The following SHOC1 variants were observed in gnomAD, a reference collection of about 807,000 sequenced individuals.
The protein encoded by SHOC1 is protein shortage in chiasmata 1 ortholog.
SHOC1 carries 136 observed loss-of-function variants against 179.2 expected under a neutral mutation model. The ratio of observed to expected loss-of-function variants is 0.76; its 90% CI spans 0.66 to 0.87. The LOEUF (loss-of-function observed/expected upper bound fraction) is 0.87, where lower values mean the gene tolerates loss of function less well. Ranked by LOEUF, SHOC1 falls within the 40% of genes least tolerant of loss-of-function variation. The probability of loss-of-function intolerance (pLI) is 0.00; values close to 1 mark genes in which losing one functional copy is unlikely to be tolerated. For missense variants in SHOC1, 1,538 were observed against 1,700.8 expected (o/e 0.90, Z 1.68); for synonymous variants, 489 against 586.6 (o/e 0.83, Z 2.41).
At chr9:111,719,622 C>A (rs573311691) in intron 15 of SHOC1, among the ~76,000 whole-genome samples, 5 of 152,204 alleles carry the variant, frequency 3.3e-5, no homozygotes, top group Admixed American at 6.5e-5. Context: ...TTGTTCTTTT[C>A]TATCCAGTAT....
intron 3 of SHOC1, 97 bp from the exon 4 acceptor site, chr9:111,781,114 T>G (rs41279073): frequency 0.023 from 18,659 of 825,198 alleles, 356 homozygotes; most frequent in Middle Eastern, 0.054. Flanking sequence ...GATTTTATCT[T>G]TATTTATTCA....
intron 6 of SHOC1, 83 bp downstream of exon 6, chr9:111,758,612 T>C (rs1834986854): frequency 4.7e-6 from 6 of 1,277,106 alleles, no homozygotes; most frequent in Non-Finnish European, 5.3e-6. Flanking sequence ...AAAAACATTG[T>C]TGATAACATC....
intron 5 of SHOC1, among the ~76,000 whole-genome samples, chr9:111,769,643 T>C (rs1196553538): frequency 1.3e-5 from 2 of 152,166 alleles, no homozygotes; most frequent in African/African-American, 2.4e-5. Flanking sequence ...AATTGGCTAA[T>C]ATTTTTTGTA....
At chr9:111,740,960 T>C (rs925606382) in intron 11 of SHOC1, among the ~76,000 whole-genome samples, 3 of 152,136 alleles carry the variant, frequency 2.0e-5, no homozygotes, top group Non-Finnish European at 4.4e-5. Flanking sequence ...CCATCTCGGC[T>C]CACTGCAACC....
chr9:111,776,317 T>G (rs1168938664), intron 4 of SHOC1, among the ~76,000 whole-genome samples: 1 of 152,174 alleles, frequency 6.6e-6, no homozygotes, highest in Non-Finnish European at 1.5e-5. Context: ...ATTCAACCAA[T>G]TCTCTATTGT....
At chr9:111,728,217 T>G (rs1376856125) in intron 12 of SHOC1, among the ~76,000 whole-genome samples, 168 bp from the exon 13 acceptor site, 1 of 152,186 alleles carries the variant, frequency 6.6e-6, no homozygotes, top group Non-Finnish European at 1.5e-5. Context: ...AAAATAAATT[T>G]TTAAAAAGGA....
In SHOC1 at chr9:111,692,238, T is replaced by C. The variant is rs751543959; in HGVS notation, c.3739A>G (p.Thr1247Ala). ...KEISSFLPPVTSYNQTSYWKD... is the reference protein window; with the variant it reads ...KEISSFLPPVASYNQTSYWKD... The stretch of plus-strand genomic sequence containing the variant: ...CAGTAGCTGGTCTGATTGTATGAAG[T>C]CACAGGTGGTAAAAAACTTGAGATT... The change falls in exon 27 of 28, where the codon ACT becomes GCT. Residue 1247 changes from threonine to alanine, a missense_variant. Physicochemically the swap from Thr to Ala is moderately conservative, Grantham distance 58. Coordinates refer to ENST00000682961, the MANE Select transcript of SHOC1 (RefSeq NM_001378211.1). 1 of 1,613,694 alleles carries C rather than the reference T, an allele frequency of 6.2e-7. No homozygotes were observed. The highest frequency in any genetic ancestry group is 1.1e-5 in the South Asian group (1 of 91,074).
At chr9:111,708,119 G>A (rs1832363568) in intron 18 of SHOC1, among the ~76,000 whole-genome samples, 195 bp from the exon 19 acceptor site, 1 of 151,796 alleles carries the variant, frequency 6.6e-6, no homozygotes, top group South Asian at 2.1e-4. Flanking sequence ...TCTCTTGCGT[G>A]TATATATAGA....
chr9:111,716,761 C>T (rs1272916183), intron 16 of SHOC1, among the ~76,000 whole-genome samples: 1 of 152,190 alleles, frequency 6.6e-6, no homozygotes, highest in Non-Finnish European at 1.5e-5. Context: ...AGATTATGCA[C>T]TTGGCCAAGT....
chr9:111,746,622 T>C (rs1459557224), intron 9 of SHOC1, among the ~76,000 whole-genome samples: 1 of 152,138 alleles, frequency 6.6e-6, no homozygotes, highest in Non-Finnish European at 1.5e-5. Context: ...TGAGCTGTGA[T>C]TGTGTCACTG....
In SHOC1 at chr9:111,692,042, T is replaced by G; in HGVS notation, c.3935A>C (p.Asp1312Ala). The change falls in exon 27 of 28, where the codon GAC (aspartate) becomes GCC (alanine). Residue 1312 changes from aspartate (D) to alanine (A), a missense_variant. Asp to Ala is a moderately radical substitution (Grantham distance 126). Transcript: ENST00000682961. ...MNCETIKSPT[D>A]TQKRVSVVPR... ...GACAACTGACACTCTCTTCTGAGTGTCAGTTGGTGATTTTATAGTTTCACA... is the reference window on the plus strand; with the variant it reads ...GACAACTGACACTCTCTTCTGAGTGGCAGTTGGTGATTTTATAGTTTCACA... 6.2e-7 allele frequency: 1 copy of G among 1,613,742 alleles called. No individual in the cohort carries two copies. The highest frequency in any genetic ancestry group is 8.5e-7 in the Non-Finnish European group (1 of 1,179,834).
intron 24 of SHOC1, among the ~76,000 whole-genome samples, chr9:111,699,577 G>T (rs1053684217): frequency 6.6e-6 from 1 of 152,124 alleles, no homozygotes; most frequent in Non-Finnish European, 1.5e-5. Flanking sequence ...CAAGGGAAGA[G>T]ACTGATTAGA....
Position 111,703,973 on chromosome 9 carries a change from C to G in SHOC1, c.2875G>C (p.Glu959Gln). The change falls in exon 22 of 28, where the codon GAG (glutamate) becomes CAG (glutamine). Residue 959 changes from glutamate (E) to glutamine (Q), a missense_variant. Physicochemically the swap from Glu to Gln is conservative, Grantham distance 29. Transcript: ENST00000682961. ...TTCAATGACTCACTGCAGCCTCTCT[C>G]TACTAGTGAGATGTTATAGCTGTAA... is the stretch of plus-strand genomic sequence containing the variant. ...LESNYNISLV[E>Q]RGCSESLKLF... 1 of 1,589,436 alleles carries G rather than the reference C, an allele frequency of 6.3e-7. No individual in the cohort carries two copies. The highest frequency in any genetic ancestry group is 1.1e-5 in the South Asian group (1 of 89,884).
intron 6 of SHOC1, among the ~76,000 whole-genome samples, 166 bp from the exon 7 acceptor site, chr9:111,758,361 C>T (rs1195866437): frequency 9.9e-5 from 15 of 152,136 alleles, no homozygotes; most frequent in Non-Finnish European, 2.1e-4. Flanking sequence ...TTTGGGAGGC[C>T]GAGGCGGGTG....
chr9:111,711,720 T>C (rs903653364), intron 18 of SHOC1, among the ~76,000 whole-genome samples: 1 of 152,138 alleles, frequency 6.6e-6, no homozygotes, highest in Non-Finnish European at 1.5e-5. Flanking sequence ...TGTATAGTCA[T>C]TCAGAAAATA....
chr9:111,781,750 A>AAATTAATAAATTAATTAATTAATT (rs1554724111), intron 3 of SHOC1, among the ~76,000 whole-genome samples: 62 of 151,004 alleles, frequency 4.1e-4, no homozygotes, highest in Admixed American at 1.1e-3. Context: ...ATAAATAAAT[A>AAATTAATAAATTAATTAATTAATT]AATTTGTATG....
Position 111,693,915 on chromosome 9 carries a change from T to A in SHOC1, c.3349A>T (p.Asn1117Tyr). The change falls in exon 26 of 28, where the codon AAC becomes TAC. Residue 1117 changes from asparagine to tyrosine, a missense_variant. By Grantham distance (143) the Asn-to-Tyr change is moderately radical. Transcript: ENST00000682961. ...EMYLLDFPCINPLVAQLMLNK... is the reference protein window; with the variant it reads ...EMYLLDFPCIYPLVAQLMLNK... ...AGCATGAGCTGAGCCACCAATGGGTTAATACATGGAAAATCAAGTAAGTAC... is the reference window on the plus strand; with the variant it reads ...AGCATGAGCTGAGCCACCAATGGGTAAATACATGGAAAATCAAGTAAGTAC... The A allele has an allele frequency of 6.2e-7, 1 of 1,611,750 alleles. No individual in the cohort carries two copies. Among genetic ancestry groups the A allele is most frequent in the Non-Finnish European group, 8.5e-7 (1 of 1,178,256 alleles).
intron 4 of SHOC1, among the ~76,000 whole-genome samples, chr9:111,780,637 A>G (rs10512412): frequency 0.19 from 28,603 of 152,102 alleles, 2,885 homozygotes; most frequent in Non-Finnish European, 0.22. Flanking sequence ...ATCTGTATTT[A>G]TAACATAGGT....
Position 111,723,778 on chromosome 9 carries a change from A to C in SHOC1, c.1954+14T>G. The C allele has an allele frequency of 6.2e-7, 1 of 1,606,412 alleles. No homozygotes were observed. Among genetic ancestry groups the C allele is most frequent in the Non-Finnish European group, 8.5e-7 (1 of 1,178,378 alleles). On this transcript the variant is annotated intron_variant, in intron 14 of 27. Transcript: ENST00000682961. ...AAGCAAATCTGAAATGCATTTTAAA[A>C]GCATATAACATACCTGACGCTTGAA... is the stretch of plus-strand genomic sequence containing the variant.
Sources: gnomAD v4.1 joint callset for allele counts (sites outside exome capture counted in the v4.1 genomes callset) on GRCh38, gnomAD v4.1.1 for gene constraint, MANE v1.5 for transcripts, NCBI Gene and HGNC (gene_info 2026-07-23, HGNC 2026-07-21) for gene names.